The following KCNC2 variants were observed in gnomAD, a reference collection of about 807,000 sequenced individuals.
The protein encoded by KCNC2 is potassium voltage-gated channel subfamily C member 2, also known as voltage-gated potassium channel KCNC2.
In KCNC2, 21 loss-of-function variants were observed where a neutral mutation model predicts 44.5. That is an observed-to-expected ratio of 0.47 (90% confidence interval 0.33 to 0.68). The LOEUF is 0.68. Ranked by LOEUF, KCNC2 falls within the 30% of genes least tolerant of loss-of-function variation. KCNC2 has a pLI of 0.01. For missense variants in KCNC2, 589 were observed against 826.2 expected (o/e 0.71, Z 3.52); for synonymous variants, 391 against 339.1 (o/e 1.15, Z -1.68).
Position 75,042,408 on chromosome 12 carries a change from CA to C in KCNC2, c.*696del, listed in dbSNP as rs748163678. 2.5e-6 allele frequency: 4 copies of C among 1,593,972 alleles called. No homozygotes were observed. The African/African-American group carries it at 5.4e-5, about 22-fold the overall frequency. On this transcript the variant is annotated 3_prime_UTR_variant, in exon 5 of 5. Transcript: ENST00000549446. ...AAACAACCAGAGACATTCAGAACTC[CA>C]ATACAGCATTTTTGAAGAAAAGTAA...
At chr12:75,086,677 A>T (rs1226001012) in intron 2 of KCNC2, among the ~76,000 whole-genome samples, 1,922 of 26,316 alleles carry the variant, frequency 0.073, 31 homozygotes, top group African/African-American at 0.27. Context: ...AAAAAAAAAA[A>T]AAAAATATAT....
Position 75,050,796 on chromosome 12 carries a change from G to A in KCNC2, c.1209C>T (p.Ala403=), listed in dbSNP as rs201121128. The stretch of plus-strand genomic sequence containing the variant: ...CGTTAGGTTGAGCTCCCACTCTCTC[G>A]GCATAGTAGATCATGGTAGCAAATA... ...VLIFATMIYY[A]ERVGAQPNDP... Residue 403 remains alanine (A), a synonymous_variant, in exon 3 of 5, where the codon GCC becomes GCT. Coordinates refer to ENST00000549446, the MANE Select transcript of KCNC2 (RefSeq NM_139137.4). 140 of 1,613,190 alleles carry A rather than the reference G, an allele frequency of 8.7e-5. 1 individual carries two copies. The highest frequency in any genetic ancestry group is 7.0e-4 in the South Asian group (64 of 91,036).
intron 2 of KCNC2, among the ~76,000 whole-genome samples, chr12:75,140,394 G>C (rs1889559756): frequency 6.6e-6 from 1 of 152,132 alleles, no homozygotes; most frequent in African/African-American, 2.4e-5. Context: ...TCTATCAAAT[G>C]TGTATGATAA....
At chr12:75,079,029 T>A (rs1884246974) in intron 2 of KCNC2, among the ~76,000 whole-genome samples, 1 of 152,110 alleles carries the variant, frequency 6.6e-6, no homozygotes, top group Non-Finnish European at 1.5e-5. Context: ...ACACAAAAGC[T>A]TCATAGTTTA....
intron 2 of KCNC2, among the ~76,000 whole-genome samples, chr12:75,138,321 T>C (rs1889377174): frequency 6.6e-6 from 1 of 152,202 alleles, no homozygotes; most frequent in Non-Finnish European, 1.5e-5. Flanking sequence ...CCTTAAAATA[T>C]CTTTTTATAC....
At chr12:75,193,582 T>C (rs2030498272) in intron 2 of KCNC2, among the ~76,000 whole-genome samples, 1 of 152,164 alleles carries the variant, frequency 6.6e-6, no homozygotes, top group African/African-American at 2.4e-5. Flanking sequence ...AAATTAGGTA[T>C]GTTGGTGTGA....
At chr12:75,048,958 G>C (rs189246379) in intron 3 of KCNC2, among the ~76,000 whole-genome samples, 19 of 152,188 alleles carry the variant, frequency 1.2e-4, no homozygotes, top group African/African-American at 4.3e-4. Flanking sequence ...TATTGGCCTA[G>C]ATACTAGCTT....
intron 2 of KCNC2, among the ~76,000 whole-genome samples, chr12:75,172,060 C>T (rs1891862819): frequency 6.6e-6 from 1 of 151,624 alleles, no homozygotes; most frequent in African/African-American, 2.4e-5. Context: ...CCACCCTCAC[C>T]CCCCAAAGAA....
intron 2 of KCNC2, among the ~76,000 whole-genome samples, chr12:75,190,726 A>T (rs1045448969): frequency 6.6e-6 from 1 of 152,166 alleles, no homozygotes; most frequent in Non-Finnish European, 1.5e-5. Context: ...AATATATAGC[A>T]TATTACAAAG....
chr12:75,052,848 G>C (rs527995703), intron 2 of KCNC2, among the ~76,000 whole-genome samples: 3 of 152,120 alleles, frequency 2.0e-5, no homozygotes, highest in African/African-American at 7.2e-5. Flanking sequence ...TTCTTCTACA[G>C]TGTGCCAGTT....
intron 2 of KCNC2, among the ~76,000 whole-genome samples, chr12:75,154,983 CACTTTTTT>C (rs1890657888): frequency 2.0e-5 from 3 of 151,870 alleles, no homozygotes. Flanking sequence ...AGTTTCAACA[CACTTTTTT>C]ACTGATATAC....
At chr12:75,159,205 A>C (rs1163309962) in intron 2 of KCNC2, among the ~76,000 whole-genome samples, 1 of 151,796 alleles carries the variant, frequency 6.6e-6, no homozygotes, top group East Asian at 1.9e-4. Flanking sequence ...CCACCACGGC[A>C]CATGTATACC....
chr12:75,058,570 C>G (rs1881989167), intron 2 of KCNC2, among the ~76,000 whole-genome samples: 1 of 151,966 alleles, frequency 6.6e-6, no homozygotes, highest in Non-Finnish European at 1.5e-5. Context: ...TTACAAACAC[C>G]TGCTGAAGAG....
chr12:75,145,577 A>C (rs1889963158), intron 2 of KCNC2, among the ~76,000 whole-genome samples: 1 of 152,046 alleles, frequency 6.6e-6, no homozygotes, highest in Non-Finnish European at 1.5e-5. Context: ...AGGTTCAACC[A>C]TTCCTTGATC....
chr12:75,148,444 C>A (rs1890170532), intron 2 of KCNC2, among the ~76,000 whole-genome samples: 1 of 151,982 alleles, frequency 6.6e-6, no homozygotes, highest in African/African-American at 2.4e-5. Context: ...CTGCCCCTAG[C>A]TGTATAAATG....
chr12:75,130,803 A>G (rs1268963845), intron 2 of KCNC2, among the ~76,000 whole-genome samples: 1 of 151,638 alleles, frequency 6.6e-6, no homozygotes, highest in African/African-American at 2.4e-5. Flanking sequence ...AAAACAATGC[A>G]CATGGGCATG....
intron 2 of KCNC2, among the ~76,000 whole-genome samples, chr12:75,184,026 C>T (rs1892771702): frequency 6.6e-6 from 1 of 152,156 alleles, no homozygotes; most frequent in African/African-American, 2.4e-5. Context: ...CCCCCACCCA[C>T]TTCTCCATCC....
At chr12:75,122,927 A>G (rs536678204) in intron 2 of KCNC2, among the ~76,000 whole-genome samples, 1 of 152,292 alleles carries the variant, frequency 6.6e-6, no homozygotes, top group Admixed American at 6.5e-5. Flanking sequence ...TTGATAATTT[A>G]CAAGGCTATT....
At chr12:75,047,139 C>T (rs11180343) in intron 4 of KCNC2, among the ~76,000 whole-genome samples, 2,214 of 151,946 alleles carry the variant, frequency 0.015, 52 homozygotes, top group African/African-American at 0.051. Context: ...AGTTATTTCC[C>T]TATTCTGTCA....
Sources: gnomAD v4.1 joint callset for allele counts (sites outside exome capture counted in the v4.1 genomes callset) on GRCh38, gnomAD v4.1.1 for gene constraint, MANE v1.5 for transcripts, NCBI Gene and HGNC (gene_info 2026-07-23, HGNC 2026-07-21) for gene names.